STK32A: variants seen among roughly 807,000 people sequenced by gnomAD.
STK32A encodes serine/threonine-protein kinase 32A.
Under a neutral mutation model 53.2 loss-of-function variants are expected in STK32A, and 41 were observed. The ratio of observed to expected loss-of-function variants is 0.77; its 90% CI spans 0.60 to 1.00. The LOEUF is 1.00. Among genes scored for constraint, STK32A ranks in the 50% least tolerant of loss-of-function variants. STK32A has a pLI of 0.00. For missense variants in STK32A, 458 were observed against 485.8 expected, an observed-to-expected ratio of 0.94 and a Z score of 0.54; for synonymous variants, 166 against 162.8, an observed-to-expected ratio of 1.02 and a Z score of -0.15.
intron 2 of STK32A, among the ~76,000 whole-genome samples, chr5:147,254,868 G>A (rs1035730185): frequency 9.9e-5 from 15 of 152,074 alleles, no homozygotes; most frequent in African/African-American, 3.6e-4. Context: ...GGCTGGGCGC[G>A]GTGGCTCACG....
chr5:147,370,524 G>A (rs1479063465), intron 8 of STK32A, 130 bp from the exon 9 acceptor site: 3 of 521,932 alleles, frequency 5.7e-6, no homozygotes, highest in Non-Finnish European at 1.0e-5. Flanking sequence ...CAACGCAAGA[G>A]TCAGCTGGAC....
chr5:147,363,402 C>T (rs1200591056), intron 8 of STK32A, among the ~76,000 whole-genome samples: 1 of 152,136 alleles, frequency 6.6e-6, no homozygotes, highest in African/African-American at 2.4e-5. Flanking sequence ...TACAAAGGCA[C>T]TACCCACATG....
At chr5:147,340,509 G>C (rs1180202074) in intron 5 of STK32A, among the ~76,000 whole-genome samples, 1 of 152,132 alleles carries the variant, frequency 6.6e-6, no homozygotes, top group South Asian at 2.1e-4. Flanking sequence ...ATCTCAACTT[G>C]CTCTAGTAGG....
chr5:147,316,069 A>G (rs1191578656), intron 4 of STK32A, among the ~76,000 whole-genome samples: 1 of 152,190 alleles, frequency 6.6e-6, no homozygotes, highest in East Asian at 1.9e-4. Flanking sequence ...AAGAACAGCA[A>G]AAATATCTTA....
chr5:147,394,152 A>C, the STK32A span: 3 of 1,474,212 alleles, frequency 2.0e-6, no homozygotes, highest in African/African-American at 4.8e-5. Context: ...TCCCAGGGGG[A>C]AAAAAAAAAC....
intron 1 of STK32A, among the ~76,000 whole-genome samples, chr5:147,239,114 A>G (rs1386165075): frequency 6.6e-6 from 1 of 152,180 alleles, no homozygotes; most frequent in Non-Finnish European, 1.5e-5. Flanking sequence ...CTTCTTTTAC[A>G]TTGTAGTACC....
intron 2 of STK32A, among the ~76,000 whole-genome samples, chr5:147,254,617 C>T (rs529637971): frequency 2.6e-5 from 4 of 152,192 alleles, no homozygotes; most frequent in Non-Finnish European, 5.9e-5. Context: ...TTATCCCCCA[C>T]GCACGTGGCC....
intron 11 of STK32A, among the ~76,000 whole-genome samples, chr5:147,376,973 C>T (rs1757256840): frequency 2.6e-5 from 4 of 152,128 alleles, no homozygotes; most frequent in Admixed American, 2.6e-4. Context: ...TACAAACTGA[C>T]ATCTGTTATG....
downstream of STK32A, among the ~76,000 whole-genome samples, chr5:147,388,656 G>T (rs1395744066): frequency 6.6e-6 from 1 of 152,122 alleles, no homozygotes; most frequent in Admixed American, 6.5e-5. Flanking sequence ...GTGATGGGTT[G>T]GTGGTAGAAG....
chr5:147,376,007 T>C (rs1341566130), intron 11 of STK32A: 1 of 152,168 alleles, frequency 6.6e-6, no homozygotes, highest in Non-Finnish European at 1.5e-5. Context: ...TTTTTTTTAG[T>C]AGCTATGATC....
chr5:147,278,098 T>C, intron 2 of STK32A, 26 bp from the exon 3 acceptor site: 1 of 1,557,610 alleles, frequency 6.4e-7, no homozygotes, highest in Non-Finnish European at 8.7e-7. Context: ...TAATTACTCA[T>C]GATATTCTTC....
chr5:147,340,417 A>G (rs1378466030), intron 5 of STK32A, among the ~76,000 whole-genome samples: 1 of 152,210 alleles, frequency 6.6e-6, no homozygotes, highest in African/African-American at 2.4e-5. Flanking sequence ...TGAAAGAAAC[A>G]TTTTGTAAGT....
At position 147,384,678 on chromosome 5, in the gene STK32A, C is replaced by T. The variant is rs987220949; in HGVS notation, c.*695C>T. 14 of 408,652 alleles carry T rather than the reference C, an allele frequency of 3.4e-5. No homozygotes were observed. Among genetic ancestry groups the T allele is most frequent in the African/African-American group, 1.8e-4 (9 of 48,878 alleles). 25.3% of individuals were successfully genotyped at this position (408,652 alleles called of 1,614,324 possible). On this transcript the variant is annotated 3_prime_UTR_variant, in exon 13 of 13. Transcript: ENST00000397936. ...GGTAATAATGGGAGCATTTACACCA[C>T]GGAAACTGGTAAATGCTCGTTTTTT...
In STK32A at chr5:147,247,362, A is replaced by T. The variant is rs186339953; in HGVS notation, c.52+7676A>T. Among the ~76,000 whole-genome samples the T allele has an allele frequency of 6.0e-4, 91 of 152,376 alleles. 1 individual carries two copies. Among genetic ancestry groups the T allele is most frequent in the African/African-American group, 2.1e-3 (87 of 41,602 alleles). ...CAGACATTAAAAAGCCAGTCATGGA[A>T]TAACATTCTTGTTAAAACAGGACAT... On this transcript the variant is annotated intron_variant, in intron 2 of 12. Coordinates refer to ENST00000397936, the MANE Select transcript of STK32A (RefSeq NM_001112724.2).
the STK32A span, chr5:147,395,630 G>C: frequency 6.2e-7 from 1 of 1,614,130 alleles, no homozygotes; most frequent in Admixed American, 1.7e-5. Context: ...GCCCCGAGCA[G>C]AGCCTGCGGG....
At chr5:147,360,981 T>C (rs1756479659) in intron 7 of STK32A, among the ~76,000 whole-genome samples, 1 of 152,178 alleles carries the variant, frequency 6.6e-6, no homozygotes, top group South Asian at 2.1e-4. Flanking sequence ...TTGTAAAACC[T>C]TACACTCTCC....
chr5:147,401,001 C>CT, the STK32A span, among the ~76,000 whole-genome samples: 11 of 152,156 alleles, frequency 7.2e-5, no homozygotes, highest in Non-Finnish European at 1.6e-4. Context: ...CTTCCCCTCC[C>CT]TGGGCTCAGT....
intron 2 of STK32A, among the ~76,000 whole-genome samples, chr5:147,240,888 A>G (rs997987388): frequency 6.6e-6 from 1 of 152,162 alleles, no homozygotes; most frequent in African/African-American, 2.4e-5. Flanking sequence ...GTGGCTAACC[A>G]ACACAACAAA....
the STK32A span, chr5:147,394,193 G>C: frequency 4.4e-5 from 66 of 1,496,152 alleles, no homozygotes; most frequent in Admixed American, 7.0e-5. Context: ...GTGGGCAAGA[G>C]AGAAACTGGG....
Sources: gnomAD v4.1 joint callset for allele counts (sites outside exome capture counted in the v4.1 genomes callset) on GRCh38, gnomAD v4.1.1 for gene constraint, MANE v1.5 for transcripts, NCBI Gene and HGNC (gene_info 2026-07-23, HGNC 2026-07-21) for gene names.